Variants in TUBD1 observed in about 807,000 individuals in gnomAD.
TUBD1 encodes the protein tubulin delta chain.
Under a neutral mutation model 51.2 loss-of-function variants are expected in TUBD1, and 38 were observed. The ratio of observed to expected loss-of-function variants is 0.74; its 90% CI spans 0.57 to 0.97. The LOEUF (loss-of-function observed/expected upper bound fraction) is 0.97, where lower values mean the gene tolerates loss of function less well. Among genes scored for constraint, TUBD1 ranks in the 50% least tolerant of loss-of-function variants. The pLI is 0.00. For synonymous variants in TUBD1, 169 were observed against 178.2 expected, an observed-to-expected ratio of 0.95 and a Z score of 0.41; for missense variants, 489 against 538.4, an observed-to-expected ratio of 0.91 and a Z score of 0.91.
chr17:59,863,869 C>T, intron 7 of TUBD1, 22 bp from the exon 8 acceptor site: 1 of 1,448,932 alleles, frequency 6.9e-7, no homozygotes, highest in Non-Finnish European at 9.1e-7. Flanking sequence ...ACAAGATAAG[C>T]CGTCTTTTTA....
chr17:59,863,223 G>A (rs2039541151), intron 8 of TUBD1, among the ~76,000 whole-genome samples: 2 of 152,094 alleles, frequency 1.3e-5, no homozygotes, highest in African/African-American at 2.4e-5. Flanking sequence ...CTGAAGTCAC[G>A]TGCCCAAGGC....
chr17:59,884,094 C>G (rs1042936186), intron 3 of TUBD1, among the ~76,000 whole-genome samples: 1 of 151,574 alleles, frequency 6.6e-6, no homozygotes, highest in Non-Finnish European at 1.5e-5. Flanking sequence ...AATCCAGTAT[C>G]TACTAAAAAT....
At chr17:59,874,417 G>C (rs551562131) in intron 6 of TUBD1, 122 bp downstream of exon 6, 2 of 876,438 alleles carry the variant, frequency 2.3e-6, no homozygotes, top group Admixed American at 2.8e-5. Context: ...AGTTTCTGCC[G>C]GAGTCTCTCT....
At chr17:59,883,862 G>A (rs76982991) in intron 3 of TUBD1, among the ~76,000 whole-genome samples, 2 of 152,118 alleles carry the variant, frequency 1.3e-5, no homozygotes, top group South Asian at 4.1e-4. Context: ...TTACCTGGTA[G>A]GTACCAGGTA....
At position 59,870,372 on chromosome 17, in the gene TUBD1, C is replaced by CAAAAA. The variant is rs530315478; in HGVS notation, c.935-3628_935-3624dup. Among the ~76,000 whole-genome samples, 139 of 77,948 alleles carry CAAAAA rather than the reference C, an allele frequency of 1.8e-3. 2 individuals are homozygous for CAAAAA. The highest frequency in any genetic ancestry group is 7.1e-3 in the Middle Eastern group (1 of 140). The allele number at this position is 77,948 out of a possible 152,430, so 51.1% of individuals were successfully genotyped here. Reference sequence around the variant, plus strand: ...GGCGACAGAGTGTGACTCCATCTCACAAAAAAAAAAAAAAAAAAAAAAAAA... The same window carrying CAAAAA: ...GGCGACAGAGTGTGACTCCATCTCACAAAAAAAAAAAAAAAAAAAAAAAAAAAAAA... On this transcript the variant is annotated intron_variant, in intron 6 of 8. Coordinates refer to ENST00000325752, the MANE Select transcript of TUBD1 (RefSeq NM_016261.4).
At chr17:59,860,725 T>C (rs533193013) in intron 8 of TUBD1, among the ~76,000 whole-genome samples, 1 of 152,022 alleles carries the variant, frequency 6.6e-6, no homozygotes, top group South Asian at 2.1e-4. Context: ...TAGCTGGGAT[T>C]ACAGGAACGT....
intron 2 of TUBD1, among the ~76,000 whole-genome samples, chr17:59,889,340 A>T (rs1309204129): frequency 6.6e-6 from 1 of 151,106 alleles, no homozygotes; most frequent in Non-Finnish European, 1.5e-5. Flanking sequence ...CGTTACTGTT[A>T]TCAAACGCAG....
intron 7 of TUBD1, 71 bp from the exon 8 acceptor site, chr17:59,863,918 A>T: frequency 8.1e-7 from 1 of 1,231,614 alleles, no homozygotes. Context: ...ACAAACAGAT[A>T]TTTTCTTGTC....
intron 8 of TUBD1, among the ~76,000 whole-genome samples, chr17:59,861,656 GTTT>G (rs995234248): frequency 1.3e-5 from 2 of 151,672 alleles, no homozygotes; most frequent in Non-Finnish European, 2.9e-5. Flanking sequence ...TGTGGAGTGG[GTTT>G]TTTTGTTTGT....
chr17:59,885,707 G>A (rs2040690696), intron 3 of TUBD1, among the ~76,000 whole-genome samples: 1 of 152,154 alleles, frequency 6.6e-6, no homozygotes, highest in Admixed American at 6.6e-5. Context: ...TGAGCCCTAG[G>A]CATCAGGACT....
chr17:59,878,279 G>C lies in TUBD1; in HGVS notation c.593C>G (p.Ser198Ter). 6.2e-7 allele frequency: 1 copy of C among 1,614,108 alleles called. No individual in the cohort carries two copies. The highest frequency in any genetic ancestry group is 8.5e-7 in the Non-Finnish European group (1 of 1,180,030). ...ILTLSHLYRS[S>*]DALLLHENDA... is the part of the protein sequence containing the mutation. ...ATTCTCATGAAGAAGGAGGGCGTCTGAAGATCGGTACAAGTGAGAAAGTGT... is the reference window on the plus strand; with the variant it reads ...ATTCTCATGAAGAAGGAGGGCGTCTCAAGATCGGTACAAGTGAGAAAGTGT... The change falls in exon 5 of 9, where the codon TCA becomes TGA. Residue 198 changes from serine (S) to a stop codon, truncating the protein, a stop_gained. Transcript: ENST00000325752. LOFTEE classifies it high-confidence loss of function.
chr17:59,873,867 AAAAAT>A (rs1462175560), intron 6 of TUBD1, among the ~76,000 whole-genome samples: 121 of 150,392 alleles, frequency 8.0e-4, no homozygotes, highest in African/African-American at 2.5e-3. Flanking sequence ...TCCATCTCAA[AAAAAT>A]AAAATAAATA....
chr17:59,863,969 T>C, intron 7 of TUBD1, 122 bp from the exon 8 acceptor site: 7 of 881,760 alleles, frequency 7.9e-6, no homozygotes, highest in Non-Finnish European at 1.1e-5. Context: ...TTAAAACTTG[T>C]GATGGCTGGT....
chr17:59,885,655 AAAAACAAAAC>A, intron 3 of TUBD1: 3 of 679,126 alleles, frequency 4.4e-6, no homozygotes, highest in Non-Finnish European at 7.5e-6. Flanking sequence ...CTGTGGTTAA[AAAAACAAAAC>A]AAAACAAAAC....
intron 6 of TUBD1, among the ~76,000 whole-genome samples, chr17:59,870,372 CAAAAAAAAAAAAAAAAAAAAAAAA>C (rs530315478): frequency 1.3e-5 from 1 of 77,982 alleles, no homozygotes; most frequent in Non-Finnish European, 2.6e-5. Context: ...CTCCATCTCA[CAAAAAAAAAAAAAAAAAAAAAAAA>C]AAAAAAAAAA....
intron 8 of TUBD1, among the ~76,000 whole-genome samples, chr17:59,860,911 C>T (rs1299583820): frequency 6.6e-6 from 1 of 151,838 alleles, no homozygotes; most frequent in Non-Finnish European, 1.5e-5. Flanking sequence ...TTATGTCAAG[C>T]TCCCTGTTTT....
intron 2 of TUBD1, among the ~76,000 whole-genome samples, chr17:59,889,566 G>T (rs1446608707): frequency 1.3e-5 from 2 of 150,952 alleles, no homozygotes; most frequent in Admixed American, 1.3e-4. Flanking sequence ...CTACTCATGA[G>T]GCTGAGGCAG....
At chr17:59,873,645 A>G (rs2040097315) in intron 6 of TUBD1, among the ~76,000 whole-genome samples, 1 of 152,040 alleles carries the variant, frequency 6.6e-6, no homozygotes, top group Non-Finnish European at 1.5e-5. Flanking sequence ...TGGGTGGATC[A>G]CAAGGTCAGG....
intron 3 of TUBD1, 55 bp from the exon 4 acceptor site, chr17:59,881,165 T>C (rs1050924978): frequency 1.4e-5 from 19 of 1,389,982 alleles, no homozygotes; most frequent in South Asian, 1.1e-4. Flanking sequence ...ACCACAGATA[T>C]GTAATTCAGA....
Sources: gnomAD v4.1 joint callset for allele counts (sites outside exome capture counted in the v4.1 genomes callset) on GRCh38, gnomAD v4.1.1 for gene constraint, MANE v1.5 for transcripts, NCBI Gene and HGNC (gene_info 2026-07-23, HGNC 2026-07-21) for gene names.